FRMD4A: variants seen among roughly 807,000 people sequenced by gnomAD.
FRMD4A encodes the protein FERM domain containing 4A.
Under a neutral mutation model 129.1 loss-of-function variants are expected in FRMD4A, and 29 were observed. The ratio of observed to expected loss-of-function variants is 0.22; its 90% confidence interval spans 0.17 to 0.31. The LOEUF (loss-of-function observed/expected upper bound fraction) is 0.31, where lower values mean the gene tolerates loss of function less well. Ranked by LOEUF, FRMD4A falls within the 10% of genes least tolerant of loss-of-function variation. The pLI is 1.00. For missense variants in FRMD4A, 1,272 were observed against 1,375.8 expected (o/e 0.92, Z 1.19); for synonymous variants, 634 against 571.6 (o/e 1.11, Z -1.56).
At chr10:13,717,281 T>C (rs11258549) in intron 12 of FRMD4A, among the ~76,000 whole-genome samples, 3 of 152,304 alleles carry the variant, frequency 2.0e-5, no homozygotes, top group African/African-American at 7.2e-5. Context: ...GGCCAAGGCA[T>C]CTCTTTCCAG....
At position 13,881,993 on chromosome 10, in the gene FRMD4A, GTGTGTGT is replaced by G. The variant is rs2094551928; in HGVS notation, c.46-23088_46-23082del. The stretch of plus-strand genomic sequence containing the variant: ...AATGTGCTTGGGGAGAGGCAAGGGT[GTGTGTGT>G]GTGTGTGTGTGTGTGTGTGTGTGTG... On this transcript the variant is annotated intron_variant, in intron 2 of 24. Coordinates refer to ENST00000357447, the MANE Select transcript of FRMD4A (RefSeq NM_018027.5). Among the ~76,000 whole-genome samples the G allele has an allele frequency of 1.4e-3, 203 of 146,284 alleles. 8 individuals are homozygous for G. In the East Asian group the frequency reaches 0.019, roughly 14 times the overall value.
chr10:13,701,506 A>C (rs2086826996), intron 13 of FRMD4A, 28 bp from the exon 14 acceptor site: 1 of 1,603,106 alleles, frequency 6.2e-7, no homozygotes. Flanking sequence ...ACAAGGTTCA[A>C]TCCCATTTCT....
At chr10:14,018,298 A>C (rs2095705499) in intron 2 of FRMD4A, among the ~76,000 whole-genome samples, 1 of 151,334 alleles carries the variant, frequency 6.6e-6, no homozygotes, top group Non-Finnish European at 1.5e-5. Context: ...ATACAAAAAA[A>C]AAAAAAAATT....
intron 2 of FRMD4A, among the ~76,000 whole-genome samples, chr10:14,049,746 C>T (rs1015188181): frequency 1.1e-4 from 16 of 152,032 alleles, no homozygotes; most frequent in African/African-American, 3.9e-4. Flanking sequence ...TCGCAGCTAC[C>T]TGGGAGGCTG....
intron 2 of FRMD4A, among the ~76,000 whole-genome samples, chr10:14,124,140 C>G (rs920184356): frequency 3.3e-5 from 5 of 152,132 alleles, no homozygotes; most frequent in African/African-American, 1.2e-4. Context: ...CTGAGAGTCT[C>G]CAGGGCCTCT....
chr10:13,802,387 T>C lies in FRMD4A; in HGVS notation c.207-5799A>G, dbSNP rs577547850. Among the ~76,000 whole-genome samples, 3 of 152,298 alleles carry C rather than the reference T, an allele frequency of 2.0e-5. No individual in the cohort carries two copies. The South Asian group carries it at 6.2e-4, about 32-fold the overall frequency. ...ACTGCACAGCTTCTAGATGTTTTTA[T>C]TGTAGACAGGCAATTTCATATGGAA... On this transcript the variant is annotated intron_variant, in intron 4 of 24. Transcript: ENST00000357447.
intron 2 of FRMD4A, among the ~76,000 whole-genome samples, chr10:14,203,924 A>G (rs1317187185): frequency 2.6e-5 from 4 of 152,334 alleles, no homozygotes; most frequent in African/African-American, 7.2e-5. Flanking sequence ...CTATTTGTCT[A>G]TCGTAGTTTG....
At chr10:14,151,108 C>T (rs918506374) in intron 2 of FRMD4A, among the ~76,000 whole-genome samples, 1 of 152,182 alleles carries the variant, frequency 6.6e-6, no homozygotes, top group Non-Finnish European at 1.5e-5. Flanking sequence ...CTGATCCCTC[C>T]TGAGTCTGGT....
intron 6 of FRMD4A, among the ~76,000 whole-genome samples, chr10:13,766,678 A>G (rs1399527972): frequency 1.3e-5 from 2 of 152,058 alleles, no homozygotes; most frequent in African/African-American, 4.8e-5. Context: ...TTTCCCCCTT[A>G]TACACCTCAT....
Position 14,106,335 on chromosome 10 carries a change from C to A in FRMD4A, c.45+223723G>T, listed in dbSNP as rs138235166. 3.5e-4 allele frequency among the ~76,000 whole-genome samples: 53 copies of A among 152,222 alleles called. No homozygotes were observed. The East Asian group carries it at 6.9e-3, about 20-fold the overall frequency. ...AACACTCTTAGTAGTCATTTAATTTCTTTGCTTCCTGGTGTGACCATTTAT... is the reference window on the plus strand; with the variant it reads ...AACACTCTTAGTAGTCATTTAATTTATTTGCTTCCTGGTGTGACCATTTAT... On this transcript the variant is annotated intron_variant, in intron 2 of 24. Transcript: ENST00000357447.
At chr10:14,298,959 A>T (rs1846097385) in intron 2 of FRMD4A, among the ~76,000 whole-genome samples, 1 of 152,186 alleles carries the variant, frequency 6.6e-6, no homozygotes, top group Non-Finnish European at 1.5e-5. Flanking sequence ...TTTATGGTGG[A>T]GTTACCTAAA....
At chr10:13,843,137 C>G (rs937500788) in intron 3 of FRMD4A, among the ~76,000 whole-genome samples, 5 of 152,162 alleles carry the variant, frequency 3.3e-5, no homozygotes, top group Non-Finnish European at 7.4e-5. Flanking sequence ...AGCCTTAATC[C>G]AACATGCAGT....
intron 21 of FRMD4A, 70 bp downstream of exon 21, chr10:13,659,253 G>C (rs1334078605): frequency 2.2e-6 from 3 of 1,359,516 alleles, no homozygotes; most frequent in South Asian, 1.2e-5. Context: ...ATTTGGGCCA[G>C]CTTGGGGCTG....
At position 13,822,869 on chromosome 10, in the gene FRMD4A, GCTCCTTCTCTCTCCC is replaced by G. The variant is rs1379529401; in HGVS notation, c.112-11976_112-11962del. On this transcript the variant is annotated intron_variant, in intron 3 of 24. Coordinates refer to ENST00000357447, the MANE Select transcript of FRMD4A (RefSeq NM_018027.5). Reference sequence around the variant, plus strand: ...AACAAAGTCACAGCTCCCTTTAATAGCTCCTTCTCTCTCCCCTCCTTCTCTCTCTCCTTCCAAGTG... The same window carrying G: ...AACAAAGTCACAGCTCCCTTTAATAGCTCCTTCTCTCTCTCCTTCCAAGTG... 1.1e-4 allele frequency among the ~76,000 whole-genome samples: 16 copies of G among 152,108 alleles called. No individual in the cohort carries two copies. In the South Asian group the frequency reaches 3.1e-3, roughly 30 times the overall value.
intron 2 of FRMD4A, among the ~76,000 whole-genome samples, chr10:13,917,980 C>T (rs111581754): frequency 1.3e-5 from 2 of 152,186 alleles, no homozygotes; most frequent in African/African-American, 4.8e-5. Context: ...AATCACTCTA[C>T]AAAAAGTGAT....
At chr10:13,854,043 C>T (rs1003905175) in intron 3 of FRMD4A, among the ~76,000 whole-genome samples, 2 of 151,998 alleles carry the variant, frequency 1.3e-5, no homozygotes, top group African/African-American at 4.8e-5. Flanking sequence ...AAGGGCCACA[C>T]CTCAGCCATT....
chr10:13,657,474 A>C lies in FRMD4A; in HGVS notation c.2115T>G (p.Phe705Leu). ...ACTCCAGGCTGGAGCTCCGGTGCCTAAAGTGCAGTGCGAGGCTGTGCAGTC... is the reference window on the plus strand; with the variant it reads ...ACTCCAGGCTGGAGCTCCGGTGCCTCAAGTGCAGTGCGAGGCTGTGCAGTC... ...PTRLHSLALH[F>L]RHRSSSLESQ... The change falls in exon 22 of 25, where the codon TTT becomes TTG. Residue 705 changes from phenylalanine to leucine, a missense_variant. Coordinates refer to ENST00000357447, the MANE Select transcript of FRMD4A (RefSeq NM_018027.5). 1.2e-6 allele frequency: 2 copies of C among 1,610,642 alleles called. No individual in the cohort carries two copies. Among genetic ancestry groups the C allele is most frequent in the Non-Finnish European group, 1.7e-6 (2 of 1,179,822 alleles).
At chr10:14,080,577 C>T (rs920374217) in intron 2 of FRMD4A, among the ~76,000 whole-genome samples, 1 of 152,028 alleles carries the variant, frequency 6.6e-6, no homozygotes, top group African/African-American at 2.4e-5. Context: ...GGACTGTTTG[C>T]CAGTGGTTTG....
At chr10:14,092,067 C>T (rs1270007052) in intron 2 of FRMD4A, among the ~76,000 whole-genome samples, 1 of 152,150 alleles carries the variant, frequency 6.6e-6, no homozygotes, top group African/African-American at 2.4e-5. Flanking sequence ...ATGATTGAAG[C>T]TAAGGCAAGG....
Sources: gnomAD v4.1 joint callset for allele counts (sites outside exome capture counted in the v4.1 genomes callset) on GRCh38, gnomAD v4.1.1 for gene constraint, MANE v1.5 for transcripts, NCBI Gene and HGNC (gene_info 2026-07-23, HGNC 2026-07-21) for gene names.